The following EYS variants were observed in gnomAD, a reference collection of about 807,000 sequenced individuals.
EYS encodes protein eyes shut homolog.
Under a neutral mutation model 282.1 loss-of-function variants are expected in EYS, and 250 were observed. That is an observed-to-expected ratio of 0.89 (90% CI 0.80 to 0.98). The LOEUF (loss-of-function observed/expected upper bound fraction) is 0.98, where lower values mean the gene tolerates loss of function less well. Among genes scored for constraint, EYS ranks in the 50% least tolerant of loss-of-function variants. EYS has a pLI of 0.00. For missense variants in EYS, 4,016 were observed against 3,709.0 expected, an observed-to-expected ratio of 1.08 and a Z score of -2.15; for synonymous variants, 1,355 against 1,282.9, an observed-to-expected ratio of 1.06 and a Z score of -1.20.
At chr6:63,933,362 A>G (rs1288424796) in intron 35 of EYS, among the ~76,000 whole-genome samples, 1 of 151,948 alleles carries the variant, frequency 6.6e-6, no homozygotes. Context: ...ACACACCATC[A>G]CACGCGGCTA....
chr6:65,692,721 GAA>G (rs1265608238), intron 1 of EYS, among the ~76,000 whole-genome samples: 22 of 149,736 alleles, frequency 1.5e-4, no homozygotes, highest in Middle Eastern at 3.3e-3. Flanking sequence ...TAAACATGTA[GAA>G]CTATCCAGTT....
At chr6:64,732,652 CTTCAT>C (rs1259468511) in intron 22 of EYS, among the ~76,000 whole-genome samples, 3 of 152,100 alleles carry the variant, frequency 2.0e-5, no homozygotes, top group African/African-American at 7.2e-5. Flanking sequence ...AAATAATAAA[CTTCAT>C]AGTGCTCAGC....
intron 2 of EYS, among the ~76,000 whole-genome samples, chr6:65,562,408 T>C (rs1769099878): frequency 6.6e-6 from 1 of 152,048 alleles, no homozygotes; most frequent in African/African-American, 2.4e-5. Flanking sequence ...TGTATTCCCA[T>C]ACTGTTATCC....
Position 63,720,671 on chromosome 6 carries a change from T to G in EYS, c.9360A>C (p.Glu3120Asp). The change falls in exon 43 of 43, where the codon GAA (glutamate) becomes GAC (aspartate). Residue 3120 changes from glutamate (E) to aspartate (D), a missense_variant. Physicochemically the swap from Glu to Asp is conservative, Grantham distance 45. Coordinates refer to ENST00000503581, the MANE Select transcript of EYS (RefSeq NM_001142800.2). The stretch of plus-strand genomic sequence containing the variant: ...ATTTAATTAGTTCAATGTTTTTTGG[T>G]TCCTGAAAAAATACAACATCTTTAA... ...GKIKDVVFFQEPKNIELIKLE... is the reference protein window; with the variant it reads ...GKIKDVVFFQDPKNIELIKLE... 2 of 1,543,614 alleles carry G rather than the reference T, an allele frequency of 1.3e-6. No individual in the cohort carries two copies. Among genetic ancestry groups the G allele is most frequent in the Non-Finnish European group, 1.7e-6 (2 of 1,143,866 alleles).
rs1050983447 is a variant in EYS at position 65,603,979 on chromosome 6, T to C, written c.-333+35799A>G. On this transcript the variant is annotated intron_variant, in intron 2 of 42. Coordinates refer to ENST00000503581, the MANE Select transcript of EYS (RefSeq NM_001142800.2). ...ATGTTTTAGATTTTTTTCCTTGATTTGAATGACTTCTTTTTTCTTTTCAGG... is the reference window on the plus strand; with the variant it reads ...ATGTTTTAGATTTTTTTCCTTGATTCGAATGACTTCTTTTTTCTTTTCAGG... Among the ~76,000 whole-genome samples, 4 of 151,956 alleles carry C rather than the reference T, an allele frequency of 2.6e-5. No homozygotes were observed. In the East Asian group the frequency reaches 7.7e-4, roughly 29 times the overall value.
chr6:64,309,386 G>C (rs1769584965), intron 29 of EYS, among the ~76,000 whole-genome samples: 1 of 151,970 alleles, frequency 6.6e-6, no homozygotes, highest in Admixed American at 6.6e-5. Flanking sequence ...TATTCACCTT[G>C]GGCTTTGAAA....
chr6:63,983,770 C>T (rs916404334), intron 35 of EYS, among the ~76,000 whole-genome samples: 6 of 151,840 alleles, frequency 4.0e-5, no homozygotes, highest in Admixed American at 3.9e-4. Context: ...ATATGTTTTA[C>T]ACTGTTCAAA....
At chr6:63,740,635 G>A (rs1008441262) in intron 41 of EYS, among the ~76,000 whole-genome samples, 2 of 152,172 alleles carry the variant, frequency 1.3e-5, no homozygotes, top group Admixed American at 6.5e-5. Context: ...CTAGATAAGG[G>A]ATGGATCTAT....
At chr6:65,614,054 G>T (rs923908359) in intron 2 of EYS, among the ~76,000 whole-genome samples, 2 of 151,928 alleles carry the variant, frequency 1.3e-5, no homozygotes, top group African/African-American at 4.8e-5. Flanking sequence ...TTCACAAAGT[G>T]CCAGGCACAT....
chr6:64,249,154 T>C (rs1767122942), intron 30 of EYS, among the ~76,000 whole-genome samples: 1 of 149,160 alleles, frequency 6.7e-6, no homozygotes, highest in African/African-American at 2.5e-5. Context: ...AACATAAAGG[T>C]CCATTAATAG....
chr6:65,670,614 T>G (rs1170895620), intron 1 of EYS, among the ~76,000 whole-genome samples: 1 of 151,968 alleles, frequency 6.6e-6, no homozygotes, highest in Non-Finnish European at 1.5e-5. Context: ...ACTGAGAAAT[T>G]TGAACAATTG....
intron 11 of EYS, among the ~76,000 whole-genome samples, chr6:65,332,822 T>C (rs1344008397): frequency 2.0e-5 from 3 of 151,524 alleles, no homozygotes; most frequent in African/African-American, 7.2e-5. Flanking sequence ...ATCTTTTTAC[T>C]TGTTATAGGT....
At chr6:65,260,212 A>C (rs140480632) in intron 12 of EYS, among the ~76,000 whole-genome samples, 3 of 152,160 alleles carry the variant, frequency 2.0e-5, no homozygotes, top group East Asian at 3.9e-4. Flanking sequence ...ACTCACTATC[A>C]GAACAGCATG....
intron 5 of EYS, among the ~76,000 whole-genome samples, chr6:65,443,329 TACATGTATGTAC>T (rs1395413676): frequency 9.9e-6 from 1 of 101,406 alleles, no homozygotes; most frequent in African/African-American, 2.7e-5. Flanking sequence ...CATATATGCA[TACATGTATGTAC>T]ACATATAGAC....
At chr6:65,475,193 T>C (rs1225898305) in intron 5 of EYS, among the ~76,000 whole-genome samples, 1 of 152,080 alleles carries the variant, frequency 6.6e-6, no homozygotes, top group African/African-American at 2.4e-5. Flanking sequence ...TATTTTCTCA[T>C]AGTTAAAATC....
At chr6:65,539,617 C>A (rs1037132660) in intron 2 of EYS, among the ~76,000 whole-genome samples, 1 of 152,054 alleles carries the variant, frequency 6.6e-6, no homozygotes, top group Non-Finnish European at 1.5e-5. Flanking sequence ...TTATATATAT[C>A]AAATATGTGT....
intron 22 of EYS, among the ~76,000 whole-genome samples, chr6:64,808,543 T>C (rs969217046): frequency 5.3e-5 from 8 of 151,804 alleles, no homozygotes; most frequent in Admixed American, 5.3e-4. Flanking sequence ...ACAGGTTCAG[T>C]GTCTCTAAAT....
chr6:65,659,975 T>G (rs1383439155), intron 1 of EYS, among the ~76,000 whole-genome samples: 1 of 151,686 alleles, frequency 6.6e-6, no homozygotes, highest in African/African-American at 2.4e-5. Context: ...TAAGAGAAAT[T>G]TTCGTGAACT....
chr6:65,671,585 G>A (rs966712345), intron 1 of EYS, among the ~76,000 whole-genome samples: 1 of 151,942 alleles, frequency 6.6e-6, no homozygotes, highest in South Asian at 2.1e-4. Context: ...TAAGGAAGAT[G>A]GTTGAATAAG....
Sources: gnomAD v4.1 joint callset for allele counts (sites outside exome capture counted in the v4.1 genomes callset) on GRCh38, gnomAD v4.1.1 for gene constraint, MANE v1.5 for transcripts, NCBI Gene and HGNC (gene_info 2026-07-23, HGNC 2026-07-21) for gene names.